The following PPP2R2B variants were observed in gnomAD, a reference collection of about 807,000 sequenced individuals.
The protein encoded by PPP2R2B is serine/threonine-protein phosphatase 2A 55 kDa regulatory subunit B beta isoform.
PPP2R2B carries 5 observed loss-of-function variants against 46.0 expected under a neutral mutation model. The ratio of observed to expected loss-of-function variants is 0.11; its 90% confidence interval spans 0.06 to 0.23. The LOEUF (loss-of-function observed/expected upper bound fraction) is 0.23. Among genes scored for constraint, PPP2R2B ranks in the 10% least tolerant of loss-of-function variants. The pLI is 1.00. For synonymous variants in PPP2R2B, 215 were observed against 206.7 expected, an observed-to-expected ratio of 1.04 and a Z score of -0.34; for missense variants, 367 against 575.0, an observed-to-expected ratio of 0.64 and a Z score of 3.70.
chr5:146,636,248 G>A (rs1199877798), intron 7 of PPP2R2B, among the ~76,000 whole-genome samples: 1 of 152,134 alleles, frequency 6.6e-6, no homozygotes, highest in Non-Finnish European at 1.5e-5. Flanking sequence ...ATATCCTTGG[G>A]CGTTAGGAAG....
chr5:146,684,018 A>T (rs1166206534), intron 5 of PPP2R2B, among the ~76,000 whole-genome samples: 2 of 152,180 alleles, frequency 1.3e-5, no homozygotes, highest in African/African-American at 2.4e-5. Context: ...CCATACTAGA[A>T]TGACACATTC....
intron 2 of PPP2R2B, among the ~76,000 whole-genome samples, chr5:147,062,041 A>G (rs1397767812): frequency 6.6e-6 from 1 of 152,218 alleles, no homozygotes; most frequent in Non-Finnish European, 1.5e-5. Context: ...CATGTGCCAT[A>G]ATGACATTTC....
At chr5:146,680,540 TATA>T (rs929553024) in intron 5 of PPP2R2B, among the ~76,000 whole-genome samples, 37 of 151,286 alleles carry the variant, frequency 2.4e-4, no homozygotes, top group Non-Finnish European at 3.1e-4. Flanking sequence ...AAACTTAAAG[TATA>T]ATAATAATAA....
intron 4 of PPP2R2B, among the ~76,000 whole-genome samples, chr5:146,693,832 C>G (rs1733656404): frequency 2.6e-5 from 4 of 152,206 alleles, no homozygotes; most frequent in African/African-American, 9.6e-5. Flanking sequence ...GGCAACTATT[C>G]TGCCATAATA....
intron 2 of PPP2R2B, among the ~76,000 whole-genome samples, chr5:146,818,008 C>T (rs1758031504): frequency 1.3e-5 from 2 of 152,200 alleles, no homozygotes; most frequent in Non-Finnish European, 2.9e-5. Flanking sequence ...GTCTGCCTGG[C>T]AGGGCTGCCC....
intron 7 of PPP2R2B, among the ~76,000 whole-genome samples, chr5:146,632,260 G>A (rs1479724029): frequency 2.0e-5 from 3 of 152,178 alleles, no homozygotes; most frequent in African/African-American, 7.2e-5. Context: ...AAGACACAGG[G>A]AGAAGACAGC....
intron 5 of PPP2R2B, among the ~76,000 whole-genome samples, chr5:146,677,715 C>A (rs756496524): frequency 5.1e-4 from 78 of 151,828 alleles, no homozygotes; most frequent in Non-Finnish European, 9.0e-4. Flanking sequence ...TTTTGTAGAG[C>A]TAGGGTTTCA....
intron 2 of PPP2R2B, among the ~76,000 whole-genome samples, chr5:146,829,145 A>G (rs1476007182): frequency 6.6e-6 from 1 of 152,234 alleles, no homozygotes; most frequent in Non-Finnish European, 1.5e-5. Flanking sequence ...ATACTGCAAG[A>G]CAAGGGTGAC....
At position 146,978,376 on chromosome 5, in the gene PPP2R2B, T is replaced by C. The variant is rs571813933; in HGVS notation, c.79+77289A>G. On this transcript the variant is annotated intron_variant, in intron 1 of 8. Transcript: ENST00000336640. Reference sequence around the variant, plus strand: ...CTGTGCAGAAGCTCTTTAGGTTAATTAGATCCCATTTGTCAATTTTGGCTT... The same window carrying C: ...CTGTGCAGAAGCTCTTTAGGTTAATCAGATCCCATTTGTCAATTTTGGCTT... 7.2e-5 allele frequency among the ~76,000 whole-genome samples: 11 copies of C among 152,320 alleles called. No individual in the cohort carries two copies. In the South Asian group the frequency reaches 2.3e-3, roughly 32 times the overall value.
intron 1 of PPP2R2B, among the ~76,000 whole-genome samples, chr5:147,019,929 G>A (rs1755182486): frequency 6.6e-6 from 1 of 152,144 alleles, no homozygotes; most frequent in African/African-American, 2.4e-5. Flanking sequence ...GGATGACTGA[G>A]TATAGCATGG....
At chr5:146,769,521 A>G (rs1054807417) in intron 2 of PPP2R2B, among the ~76,000 whole-genome samples, 2 of 152,214 alleles carry the variant, frequency 1.3e-5, no homozygotes, top group African/African-American at 4.8e-5. Context: ...CACTGTAAGG[A>G]TCAGCAATCA....
intron 7 of PPP2R2B, among the ~76,000 whole-genome samples, chr5:146,617,854 C>A (rs533358756): frequency 6.6e-6 from 1 of 152,058 alleles, no homozygotes; most frequent in Non-Finnish European, 1.5e-5. Flanking sequence ...GCCACCACGC[C>A]CAGCTAATTT....
chr5:146,779,956 T>C (rs1755410207), intron 2 of PPP2R2B, among the ~76,000 whole-genome samples: 1 of 152,160 alleles, frequency 6.6e-6, no homozygotes, highest in Admixed American at 6.5e-5. Context: ...TATGTTAGAT[T>C]TGGAGATTCT....
intron 1 of PPP2R2B, among the ~76,000 whole-genome samples, chr5:147,015,677 A>T (rs1303077168): frequency 6.6e-6 from 1 of 151,494 alleles, no homozygotes; most frequent in Non-Finnish European, 1.5e-5. Flanking sequence ...TGTGACCGTG[A>T]GCATGTTTCT....
chr5:146,989,765 A>G (rs2151860926), intron 1 of PPP2R2B, among the ~76,000 whole-genome samples: 1 of 152,224 alleles, frequency 6.6e-6, no homozygotes. Context: ...GGCAAGAGAA[A>G]GAAACAAAGG....
chr5:146,821,842 C>A (rs914719148), intron 2 of PPP2R2B, among the ~76,000 whole-genome samples: 1 of 151,526 alleles, frequency 6.6e-6, no homozygotes, highest in Admixed American at 6.6e-5. Flanking sequence ...TCATAAAAAG[C>A]ATATTCAAGT....
intron 5 of PPP2R2B, among the ~76,000 whole-genome samples, chr5:146,664,763 A>G (rs1776875085): frequency 6.6e-6 from 1 of 152,184 alleles, no homozygotes; most frequent in African/African-American, 2.4e-5. Flanking sequence ...TTTGGTAGCG[A>G]TAGCCTTTCA....
intron 2 of PPP2R2B, among the ~76,000 whole-genome samples, chr5:146,846,561 C>T (rs558534330): frequency 1.3e-4 from 20 of 151,762 alleles, no homozygotes; most frequent in Admixed American, 2.6e-4. Context: ...GCCTGCAACC[C>T]CAGCTACTCA....
chr5:146,760,635 G>C (rs1313117310), intron 2 of PPP2R2B, among the ~76,000 whole-genome samples: 1 of 152,198 alleles, frequency 6.6e-6, no homozygotes, highest in Non-Finnish European at 1.5e-5. Flanking sequence ...AGAGACCTCA[G>C]AAGTTAAGGT....
Sources: gnomAD v4.1 joint callset for allele counts (sites outside exome capture counted in the v4.1 genomes callset) on GRCh38, gnomAD v4.1.1 for gene constraint, MANE v1.5 for transcripts, NCBI Gene and HGNC (gene_info 2026-07-23, HGNC 2026-07-21) for gene names.